MGAT4A: variants seen among roughly 807,000 people sequenced by gnomAD.
The protein encoded by MGAT4A is alpha-1,3-mannosyl-glycoprotein 4-beta-N-acetylglucosaminyltransferase A, also known as N-acetylglucosaminyltransferase IVa.
A neutral mutation model predicts 74.1 loss-of-function variants in MGAT4A; 33 were observed. The observed-to-expected ratio is 0.45, with a 90% confidence interval of 0.34 to 0.60. The LOEUF (loss-of-function observed/expected upper bound fraction) is 0.60. Among genes scored for constraint, MGAT4A ranks in the 20% least tolerant of loss-of-function variants. The probability of loss-of-function intolerance (pLI) is 0.02; values close to 1 mark genes in which losing one functional copy is unlikely to be tolerated. For synonymous variants in MGAT4A, 198 were observed against 210.4 expected (o/e 0.94, Z 0.51); for missense variants, 479 against 628.3 (o/e 0.76, Z 2.54).
intron 2 of MGAT4A, among the ~76,000 whole-genome samples, chr2:98,697,422 G>A (rs780559522): frequency 6.6e-6 from 1 of 152,162 alleles, no homozygotes; most frequent in Non-Finnish European, 1.5e-5. Flanking sequence ...TGTGACTATC[G>A]ACACCACAGG....
chr2:98,677,656 T>C (rs1312581738), intron 3 of MGAT4A, among the ~76,000 whole-genome samples: 1 of 152,092 alleles, frequency 6.6e-6, no homozygotes, highest in Non-Finnish European at 1.5e-5. Flanking sequence ...TTTCACCATG[T>C]TGGCCAGCCT....
chr2:98,693,779 C>T (rs570771002), intron 2 of MGAT4A, among the ~76,000 whole-genome samples: 1 of 151,964 alleles, frequency 6.6e-6, no homozygotes, highest in East Asian at 1.9e-4. Context: ...CCCTGTAGAC[C>T]ACGGTAAGTT....
intron 2 of MGAT4A, among the ~76,000 whole-genome samples, chr2:98,706,929 A>G (rs1702447348): frequency 6.6e-6 from 1 of 151,806 alleles, no homozygotes; most frequent in Non-Finnish European, 1.5e-5. Context: ...AATATGAAAA[A>G]TCTGGGCTGG....
At chr2:98,630,694 T>A (rs2104217033) in intron 14 of MGAT4A, among the ~76,000 whole-genome samples, 1 of 152,324 alleles carries the variant, frequency 6.6e-6, no homozygotes, top group South Asian at 2.1e-4. Context: ...TGTGACGATG[T>A]GTTGTTCTTA....
chr2:98,698,328 A>T (rs1025851394), intron 2 of MGAT4A, among the ~76,000 whole-genome samples: 1 of 152,042 alleles, frequency 6.6e-6, no homozygotes, highest in Non-Finnish European at 1.5e-5. Flanking sequence ...GGCAGAAAAA[A>T]ATCACTTGAA....
chr2:98,716,667 C>A (rs1421367099), intron 2 of MGAT4A, among the ~76,000 whole-genome samples: 1 of 152,126 alleles, frequency 6.6e-6, no homozygotes, highest in Non-Finnish European at 1.5e-5. Context: ...CTGTGGTATT[C>A]TTGCCAAAAA....
chr2:98,624,999 CATTTCCAAAG>C lies in MGAT4A; in HGVS notation c.*557_*566del, dbSNP rs1701123310. On this transcript the variant is annotated 3_prime_UTR_variant, in exon 16 of 16. Coordinates refer to ENST00000393487, the MANE Select transcript of MGAT4A (RefSeq NM_012214.3). ...AAATGGCATTGGTTTGTAATGTTTG[CATTTCCAAAG>C]AAAAATATAGAAAGAACTTAAAAAA... The C allele has an allele frequency of 1.0e-6, 1 of 984,538 alleles. No homozygotes were observed. Among genetic ancestry groups the C allele is most frequent in the Admixed American group, 6.2e-5 (1 of 16,256 alleles). 61.0% of individuals were successfully genotyped at this position (984,538 alleles called of 1,614,324 possible).
At chr2:98,699,985 T>C (rs1392917915) in intron 2 of MGAT4A, among the ~76,000 whole-genome samples, 1 of 152,072 alleles carries the variant, frequency 6.6e-6, no homozygotes, top group Non-Finnish European at 1.5e-5. Context: ...GTCCTTGCCT[T>C]TTTCTGCACG....
In MGAT4A at chr2:98,622,917, G is replaced by T; in HGVS notation, c.*2649C>A. The T allele has an allele frequency of 2.0e-6, 2 of 984,748 alleles. No homozygotes were observed. The highest frequency in any genetic ancestry group is 2.4e-6 in the Non-Finnish European group (2 of 829,194). The allele number at this position is 984,748 out of a possible 1,614,324, so 61.0% of individuals were successfully genotyped here. On this transcript the variant is annotated 3_prime_UTR_variant, in exon 16 of 16. Transcript: ENST00000393487. ...ACCTATAATCCCAGCACTTTGGGAGGCTGAGGCAGGAGGATTGCTTGAGGC... is the reference window on the plus strand; with the variant it reads ...ACCTATAATCCCAGCACTTTGGGAGTCTGAGGCAGGAGGATTGCTTGAGGC...
chr2:98,726,312 A>C lies in MGAT4A; in HGVS notation c.21T>G (p.Thr7=). 1.2e-6 allele frequency: 2 copies of C among 1,614,022 alleles called. No homozygotes were observed. The highest frequency in any genetic ancestry group is 1.7e-6 in the Non-Finnish European group (2 of 1,179,850). MRLRNG[T]VATALAFITS... ...TGATAAATGCTAAAGCAGTGGCTAC[A>C]GTTCCATTGCGGAGCCTCATCTCAT... is the stretch of plus-strand genomic sequence containing the variant. Residue 7 remains threonine (T), a synonymous_variant, in exon 2 of 16, where the codon ACT becomes ACG. Coordinates refer to ENST00000393487, the MANE Select transcript of MGAT4A (RefSeq NM_012214.3).
rs150847968 is a variant in MGAT4A, at chr2:98,702,223, T to G, written c.95-23752A>C. Among the ~76,000 whole-genome samples the G allele has an allele frequency of 8.5e-4, 129 of 152,292 alleles. 2 individuals carry two copies. The East Asian group carries it at 0.022, about 26-fold the overall frequency. ...TGTCAATTCAGAAGTTTAACAGGCG[T>G]GGGGCAGGCCTTGAAAACTAGCAAA... On this transcript the variant is annotated intron_variant, in intron 2 of 15. Coordinates refer to ENST00000393487, the MANE Select transcript of MGAT4A (RefSeq NM_012214.3).
intron 10 of MGAT4A, 151 bp downstream of exon 10, chr2:98,643,772 A>G (rs923932377): frequency 1.5e-6 from 1 of 650,020 alleles, no homozygotes; most frequent in Admixed American, 4.0e-5. Context: ...TGCTATCTAA[A>G]AGTTCTTCTA....
intron 14 of MGAT4A, among the ~76,000 whole-genome samples, chr2:98,628,330 A>C (rs572866332): frequency 4.1e-4 from 63 of 152,358 alleles, no homozygotes; most frequent in Admixed American, 8.5e-4. Flanking sequence ...TATTGCTCCC[A>C]ATGTCCTTAA....
At chr2:98,679,338 G>A (rs1459389203) in intron 2 of MGAT4A, among the ~76,000 whole-genome samples, 1 of 149,948 alleles carries the variant, frequency 6.7e-6, no homozygotes, top group African/African-American at 2.5e-5. Flanking sequence ...CCCAGGAGGC[G>A]GAGCTTGCAG....
chr2:98,703,640 T>C (rs71413806), intron 2 of MGAT4A, among the ~76,000 whole-genome samples: 4 of 152,070 alleles, frequency 2.6e-5, no homozygotes, highest in African/African-American at 4.8e-5. Flanking sequence ...TCCAAAGATG[T>C]CCCTGTGGCC....
At chr2:98,673,742 ATTTCT>A (rs1206649944) in intron 4 of MGAT4A, among the ~76,000 whole-genome samples, 2 of 152,212 alleles carry the variant, frequency 1.3e-5, no homozygotes, top group Non-Finnish European at 2.9e-5. Context: ...AACACTTCTA[ATTTCT>A]TTTCATTTGA....
chr2:98,679,425 AAAAAG>A (rs1279406302), intron 2 of MGAT4A, among the ~76,000 whole-genome samples: 14 of 148,776 alleles, frequency 9.4e-5, no homozygotes, highest in Non-Finnish European at 1.3e-4. Flanking sequence ...AAAAAAAAAA[AAAAAG>A]AGACCAGCCT....
chr2:98,692,800 A>T (rs1266480683), intron 2 of MGAT4A, among the ~76,000 whole-genome samples: 1 of 152,214 alleles, frequency 6.6e-6, no homozygotes, highest in Non-Finnish European at 1.5e-5. Flanking sequence ...GTGTAAGTAT[A>T]CCCTATGATG....
rs1701645563 is a variant in MGAT4A at position 98,655,559 on chromosome 2, A to G, written c.699-39T>C. On this transcript the variant is annotated intron_variant, in intron 7 of 15. Transcript: ENST00000393487. ...TTTCAAAAAGTAAGTTAGGAATCAGACTCAAATTTAGTAAAATAAGATTAA... is the reference window on the plus strand; with the variant it reads ...TTTCAAAAAGTAAGTTAGGAATCAGGCTCAAATTTAGTAAAATAAGATTAA... The G allele has an allele frequency of 6.5e-6, 9 of 1,391,642 alleles. No homozygotes were observed. The East Asian group carries it at 1.6e-4, about 25-fold the overall frequency. 86.2% of individuals were successfully genotyped at this position (1,391,642 alleles called of 1,614,324 possible). A position where few individuals can be genotyped will look rare whatever the true frequency, so the allele number is the denominator to read the frequency against.
Sources: gnomAD v4.1 joint callset for allele counts (sites outside exome capture counted in the v4.1 genomes callset) on GRCh38, gnomAD v4.1.1 for gene constraint, MANE v1.5 for transcripts, NCBI Gene and HGNC (gene_info 2026-07-23, HGNC 2026-07-21) for gene names.